ST8SIA3: variants seen among roughly 807,000 people sequenced by gnomAD.
ST8SIA3 encodes the protein alpha-N-acetylneuraminate alpha-2,8-sialyltransferase ST8SIA3.
In ST8SIA3, 17 loss-of-function variants were observed where a neutral mutation model predicts 34.5. The ratio of observed to expected loss-of-function variants is 0.49; its 90% CI spans 0.34 to 0.74. The LOEUF is 0.74. Among genes scored for constraint, ST8SIA3 ranks in the 30% least tolerant of loss-of-function variants. The probability of loss-of-function intolerance (pLI) is 0.01; values close to 1 mark genes in which losing one functional copy is unlikely to be tolerated. For missense variants in ST8SIA3, 354 were observed against 467.8 expected (o/e 0.76, Z 2.24); for synonymous variants, 172 against 176.1 (o/e 0.98, Z 0.19).
Position 57,357,402 on chromosome 18 carries a change from T to G in ST8SIA3, c.792T>G (p.Phe264Leu). The change falls in exon 3 of 4, where the codon TTT (phenylalanine) becomes TTG (leucine). Residue 264 changes from phenylalanine (F) to leucine (L), a missense_variant. Physicochemically the swap from Phe to Leu is conservative, Grantham distance 22. This residue lies in a region of ST8SIA3 where 166 missense variants were observed against 245.2 expected (regional missense o/e 0.68). Transcript: ENST00000324000. Reference protein sequence around the residue: ...ATVTRTLVDFFVEHRGQLKVQ... With the variant: ...ATVTRTLVDFLVEHRGQLKVQ... ...TGACCAGGACATTAGTTGACTTTTT[T>G]GTTGAACACAGAGGTCAGTTAAAAG... 1 of 1,613,052 alleles carries G rather than the reference T, an allele frequency of 6.2e-7. No homozygotes were observed. The highest frequency in any genetic ancestry group is 8.5e-7 in the Non-Finnish European group (1 of 1,179,968).
rs1158765562 is a variant in ST8SIA3, at chr18:57,368,181, C to T, written c.*7904C>T. 1 of 152,174 alleles carries T rather than the reference C, an allele frequency of 6.6e-6. No homozygotes were observed. The highest frequency in any genetic ancestry group is 1.9e-4 in the East Asian group (1 of 5,192). 9.4% of individuals were successfully genotyped at this position (152,174 alleles called of 1,614,324 possible). On this transcript the variant is annotated 3_prime_UTR_variant, in exon 4 of 4. Coordinates refer to ENST00000324000, the MANE Select transcript of ST8SIA3 (RefSeq NM_015879.3). ...GTGCTGCTTCCATTAGTTAGATGGA[C>T]ATTGACAATTAATTGTGAAAGCATT...
At chr18:57,354,688 A>C (rs1485139521) in intron 2 of ST8SIA3, among the ~76,000 whole-genome samples, 164 bp downstream of exon 2, 2 of 152,130 alleles carry the variant, frequency 1.3e-5, no homozygotes, top group Non-Finnish European at 2.9e-5. Flanking sequence ...ATGACTGCAC[A>C]AAGCAATGAT....
chr18:57,365,906 T>G lies in ST8SIA3; in HGVS notation c.*5629T>G, dbSNP rs142382300. 2.0e-5 allele frequency: 3 copies of G among 152,312 alleles called. No homozygotes were observed. The East Asian group carries it at 5.8e-4, about 29-fold the overall frequency. The allele number at this position is 152,312 out of a possible 1,614,324, so 9.4% of individuals were successfully genotyped here. On this transcript the variant is annotated 3_prime_UTR_variant, in exon 4 of 4. Coordinates refer to ENST00000324000, the MANE Select transcript of ST8SIA3 (RefSeq NM_015879.3). ...AAGGGTTCCTTTGATTTTCCTTCTG[T>G]GTGATTCTCAGACAGTTTTAGCTCT...
chr18:57,354,276 C>A, intron 1 of ST8SIA3, 126 bp from the exon 2 acceptor site: 1 of 1,212,298 alleles, frequency 8.2e-7, no homozygotes, highest in Non-Finnish European at 1.2e-6. Flanking sequence ...ATGAGAGGGG[C>A]TCCGGGACGG....
intron 3 of ST8SIA3, among the ~76,000 whole-genome samples, 191 bp downstream of exon 3, chr18:57,357,661 G>A (rs1300679814): frequency 6.6e-6 from 1 of 152,164 alleles, no homozygotes; most frequent in Admixed American, 6.5e-5. Flanking sequence ...TCTACCCACA[G>A]CTGGTAACCA....
Position 57,366,057 on chromosome 18 carries a change from T to G in ST8SIA3, c.*5780T>G, listed in dbSNP as rs921505131. 1.3e-5 allele frequency: 2 copies of G among 152,184 alleles called. No individual in the cohort carries two copies. Among genetic ancestry groups the G allele is most frequent in the Admixed American group, 6.5e-5 (1 of 15,280 alleles). The allele number at this position is 152,184 out of a possible 1,614,324, so 9.4% of individuals were successfully genotyped here. ...CCAATTTCAGGCTACTAACTTAATG[T>G]CAACCAGCTGAAAACACAACAATAT... On this transcript the variant is annotated 3_prime_UTR_variant, in exon 4 of 4. Coordinates refer to ENST00000324000, the MANE Select transcript of ST8SIA3 (RefSeq NM_015879.3).
chr18:57,359,850 T>C (rs2049819829), intron 3 of ST8SIA3, 145 bp from the exon 4 acceptor site: 2 of 681,550 alleles, frequency 2.9e-6, no homozygotes, highest in Non-Finnish European at 4.8e-6. Context: ...CCAGAAGTTG[T>C]TTTTGGTTGC....
rs1295252579 is a variant in ST8SIA3 at position 57,365,266 on chromosome 18, C to G, written c.*4989C>G. 6.6e-6 allele frequency: 1 copy of G among 152,212 alleles called. No homozygotes were observed. The highest frequency in any genetic ancestry group is 1.9e-4 in the East Asian group (1 of 5,204). The allele number at this position is 152,212 out of a possible 1,614,324, so 9.4% of individuals were successfully genotyped here. ...ACAAAGTAGCTAAATGCTTATCTCT[C>G]CTTGTGCGATTAGTTTCACATGTTC... On this transcript the variant is annotated 3_prime_UTR_variant, in exon 4 of 4. Transcript: ENST00000324000.
Position 57,365,306 on chromosome 18 carries a change from G to C in ST8SIA3, c.*5029G>C, listed in dbSNP as rs543667869. Reference sequence around the variant, plus strand: ...TTCACATGTTCGTTGAGGTTATCATGTTAAATGGCAATATAGACACAGTCT... The same window carrying C: ...TTCACATGTTCGTTGAGGTTATCATCTTAAATGGCAATATAGACACAGTCT... On this transcript the variant is annotated 3_prime_UTR_variant, in exon 4 of 4. Transcript: ENST00000324000. 1 of 152,300 alleles carries C rather than the reference G, an allele frequency of 6.6e-6. No homozygotes were observed. Among genetic ancestry groups the C allele is most frequent in the South Asian group, 2.1e-4 (1 of 4,826 alleles). The allele number at this position is 152,300 out of a possible 1,614,324, so 9.4% of individuals were successfully genotyped here.
intron 3 of ST8SIA3, 52 bp downstream of exon 3, chr18:57,357,522 T>C (rs1352903586): frequency 7.0e-7 from 1 of 1,426,374 alleles, no homozygotes. Context: ...GGCAAATCAA[T>C]GTTGTAATCT....
chr18:57,363,352 C>A lies in ST8SIA3; in HGVS notation c.*3075C>A, dbSNP rs962205184. ...GAATTCCTCCCACACCCCAAAAATT[C>A]TTTCCAATATTTGATTATTAAAATA... On this transcript the variant is annotated 3_prime_UTR_variant, in exon 4 of 4. Coordinates refer to ENST00000324000, the MANE Select transcript of ST8SIA3 (RefSeq NM_015879.3). 1 of 152,224 alleles carries A rather than the reference C, an allele frequency of 6.6e-6. No homozygotes were observed. The highest frequency in any genetic ancestry group is 1.5e-5 in the Non-Finnish European group (1 of 68,050). The allele number at this position is 152,224 out of a possible 1,614,324, so 9.4% of individuals were successfully genotyped here.
intron 1 of ST8SIA3, 126 bp from the exon 2 acceptor site, chr18:57,354,276 C>T (rs1447949100): frequency 2.5e-6 from 3 of 1,212,304 alleles, no homozygotes; most frequent in Non-Finnish European, 2.3e-6. Flanking sequence ...ATGAGAGGGG[C>T]TCCGGGACGG....
At position 57,357,032 on chromosome 18, in the gene ST8SIA3, G is replaced by C. The variant is rs749863876; in HGVS notation, c.422G>C (p.Ser141Thr). 1 of 1,613,912 alleles carries C rather than the reference G, an allele frequency of 6.2e-7. No homozygotes were observed. The highest frequency in any genetic ancestry group is 2.2e-5 in the East Asian group (1 of 44,896). The stretch of plus-strand genomic sequence containing the variant: ...AGCCATAAATATGTTTTCTCTATTA[G>C]CAATAACTTCCGGTCACTTCTTCCA... Reference protein sequence around the residue: ...YSSHKYVFSISNNFRSLLPDV... With the variant: ...YSSHKYVFSITNNFRSLLPDV... Residue 141 changes from serine (S) to threonine (T), a missense_variant, in exon 3 of 4, where the codon AGC becomes ACC. This residue lies in a region of ST8SIA3 where 184 missense variants were observed against 205.4 expected (regional missense o/e 0.90). Coordinates refer to ENST00000324000, the MANE Select transcript of ST8SIA3 (RefSeq NM_015879.3).
chr18:57,354,491 G>A lies in ST8SIA3; in HGVS notation c.269G>A (p.Trp90Ter). ...TQELQEKPSK[W>*]KFNRTAFLHQ... The stretch of plus-strand genomic sequence containing the variant: ...GAACTCCAAGAGAAACCTTCTAAGT[G>A]GAAATTTAATCGGACAGCGTTTTTA... The change falls in exon 2 of 4, where the codon TGG (tryptophan) becomes TAG (stop). Residue 90 changes from tryptophan to a stop codon, truncating the protein, a stop_gained. Coordinates refer to ENST00000324000, the MANE Select transcript of ST8SIA3 (RefSeq NM_015879.3). LOFTEE classifies it high-confidence loss of function. 1.2e-6 allele frequency: 2 copies of A among 1,614,096 alleles called. No homozygotes were observed. Among genetic ancestry groups the A allele is most frequent in the Admixed American group, 3.3e-5 (2 of 60,020 alleles).
Position 57,360,141 on chromosome 18 carries a change from A to G in ST8SIA3, c.1007A>G (p.Tyr336Cys). The change falls in exon 4 of 4, where the codon TAC (tyrosine) becomes TGC (cysteine). Residue 336 changes from tyrosine (Y) to cysteine (C), a missense_variant. By Grantham distance (194) the Tyr-to-Cys change is radical (BLOSUM62 -2). Transcript: ENST00000324000. ...CCCAACACAAGGGAAGATCTTCCAT[A>G]CCATTACTATGACAAAAAAGGAACC... The part of the protein sequence containing the change: ...FDPNTREDLP[Y>C]HYYDKKGTKF... The G allele has an allele frequency of 6.2e-7, 1 of 1,614,138 alleles. No homozygotes were observed. Among genetic ancestry groups the G allele is most frequent in the South Asian group, 1.1e-5 (1 of 91,080 alleles).
intron 3 of ST8SIA3, among the ~76,000 whole-genome samples, chr18:57,357,921 A>G (rs1047231267): frequency 2.6e-5 from 4 of 152,246 alleles, no homozygotes; most frequent in Admixed American, 1.3e-4. Flanking sequence ...AAACACCTAA[A>G]TCATAAATTG....
chr18:57,357,602 A>G (rs1207204775), intron 3 of ST8SIA3, 132 bp downstream of exon 3: 2 of 705,676 alleles, frequency 2.8e-6, no homozygotes, highest in African/African-American at 3.6e-5. Context: ...AGAAACTCAT[A>G]TGTTTTGTAA....
At position 57,360,101 on chromosome 18, in the gene ST8SIA3, C is replaced by T; in HGVS notation, c.967C>T (p.Pro323Ser). Residue 323 changes from proline (P) to serine (S), a missense_variant, in exon 4 of 4, where the codon CCG becomes TCG. Around this residue, in one of 3 missense-constraint regions of ST8SIA3, gnomAD observed 166 missense variants for 245.2 expected, o/e 0.68. Coordinates refer to ENST00000324000, the MANE Select transcript of ST8SIA3 (RefSeq NM_015879.3). The stretch of plus-strand genomic sequence containing the variant: ...AGAGATCCACTTGTATGGATTTTGG[C>T]CGTTTGGATTTGACCCCAACACAAG... ...CEEIHLYGFW[P>S]FGFDPNTRED... 6.2e-7 allele frequency: 1 copy of T among 1,614,126 alleles called. No individual in the cohort carries two copies.
chr18:57,352,992 C>T lies in ST8SIA3; in HGVS notation c.146C>T (p.Ala49Val), dbSNP rs2049773829. 3 of 1,611,042 alleles carry T rather than the reference C, an allele frequency of 1.9e-6. No homozygotes were observed. Among genetic ancestry groups the T allele is most frequent in the East Asian group, 2.2e-5 (1 of 44,816 alleles). Residue 49 changes from alanine (A) to valine (V), a missense_variant, in exon 1 of 4, where the codon GCG becomes GTG. By Grantham distance (64) the Ala-to-Val change is moderately conservative. Coordinates refer to ENST00000324000, the MANE Select transcript of ST8SIA3 (RefSeq NM_015879.3). ...ACTCCCAAGTACGCCAGCCCGGGGG[C>T]GCCCCGAATGTACATGTTCCACGCG... The part of the protein sequence containing the change: ...FTTPKYASPG[A>V]PRMYMFHAGF...
Sources: allele counts gnomAD v4.1 joint callset (sites outside exome capture counted in the v4.1 genomes callset), GRCh38; gene constraint gnomAD v4.1.1; regional missense constraint gnomAD v4.1.1; transcripts MANE v1.5; gene names NCBI Gene and HGNC (gene_info 2026-07-23, HGNC 2026-07-21).